Variants in ADCYAP1R1 observed in about 807,000 individuals in gnomAD.
ADCYAP1R1 encodes pituitary adenylate cyclase-activating polypeptide type I receptor.
In ADCYAP1R1, 44 loss-of-function variants were observed where a neutral mutation model predicts 67.6. The ratio of observed to expected loss-of-function variants is 0.65; its 90% CI spans 0.51 to 0.84. The LOEUF is 0.84. ADCYAP1R1 is among the 40% of genes least tolerant of loss of function. The pLI is 0.00. For synonymous variants in ADCYAP1R1, 222 were observed against 219.6 expected, an observed-to-expected ratio of 1.01 and a Z score of -0.10; for missense variants, 477 against 587.9, an observed-to-expected ratio of 0.81 and a Z score of 1.95.
intron 12 of ADCYAP1R1, among the ~76,000 whole-genome samples, chr7:31,092,441 A>C (rs1035154251): frequency 1.3e-5 from 2 of 151,926 alleles, no homozygotes; most frequent in Non-Finnish European, 2.9e-5. Context: ...CCGTACTTCT[A>C]TGGAATCCTT....
intron 1 of ADCYAP1R1, 87 bp from the exon 2 acceptor site, chr7:31,063,107 G>A (rs541257107): frequency 2.7e-6 from 2 of 742,550 alleles, no homozygotes; most frequent in Admixed American, 2.2e-5. Context: ...CGTGCTGCAG[G>A]GAGCTGGGGG....
At chr7:31,064,739 C>T (rs772428846) in intron 2 of ADCYAP1R1, 92 bp from the exon 3 acceptor site, 204 of 1,005,446 alleles carry the variant, frequency 2.0e-4, no homozygotes, top group Non-Finnish European at 2.6e-4. Context: ...GCTCCCCACT[C>T]CCCCCAAGAC....
intron 13 of ADCYAP1R1, chr7:31,100,321 C>T: frequency 5.8e-6 from 6 of 1,033,978 alleles, no homozygotes; most frequent in Non-Finnish European, 7.2e-6. Context: ...CCTCCCAGCC[C>T]CAACCCATTC....
At chr7:31,097,120 G>C (rs1402725731) in intron 13 of ADCYAP1R1, among the ~76,000 whole-genome samples, 1 of 152,228 alleles carries the variant, frequency 6.6e-6, no homozygotes, top group Non-Finnish European at 1.5e-5. Flanking sequence ...CAATGAAGCT[G>C]TGGCGTAGCC....
intron 4 of ADCYAP1R1, 84 bp from the exon 5 acceptor site, chr7:31,080,529 A>C: frequency 7.1e-7 from 1 of 1,406,326 alleles, no homozygotes; most frequent in South Asian, 1.2e-5. Flanking sequence ...GTGATCAGCA[A>C]GACCCAAGGA....
chr7:31,062,335 C>T (rs1794541364), intron 1 of ADCYAP1R1, among the ~76,000 whole-genome samples: 1 of 152,188 alleles, frequency 6.6e-6, no homozygotes, highest in African/African-American at 2.4e-5. Context: ...GCTCCTGCAG[C>T]TCTGAGGCCT....
At chr7:31,094,056 A>G (rs571334876) in intron 13 of ADCYAP1R1, among the ~76,000 whole-genome samples, 2 of 152,072 alleles carry the variant, frequency 1.3e-5, no homozygotes, top group African/African-American at 4.8e-5. Context: ...GGGGACTAGC[A>G]CAGGGCCTGG....
intron 4 of ADCYAP1R1, 61 bp downstream of exon 4, chr7:31,078,159 C>T: frequency 7.1e-7 from 1 of 1,407,262 alleles, no homozygotes; most frequent in Non-Finnish European, 9.7e-7. Context: ...AATTCGGCCC[C>T]AGGCAAGCAC....
intron 1 of ADCYAP1R1, among the ~76,000 whole-genome samples, chr7:31,059,506 T>C (rs1584473533): frequency 6.6e-6 from 1 of 152,174 alleles, no homozygotes; most frequent in East Asian, 1.9e-4. Flanking sequence ...GAGCCACTTT[T>C]GTGGCTGGGC....
chr7:31,092,448 C>T (rs923088283), intron 12 of ADCYAP1R1, among the ~76,000 whole-genome samples, 196 bp from the exon 13 acceptor site: 3 of 152,020 alleles, frequency 2.0e-5, no homozygotes, highest in African/African-American at 7.3e-5. Context: ...TCTATGGAAT[C>T]CTTTTTCTTC....
At chr7:31,100,498 C>G (rs1447521338) in intron 13 of ADCYAP1R1, among the ~76,000 whole-genome samples, 1 of 152,156 alleles carries the variant, frequency 6.6e-6, no homozygotes, top group Non-Finnish European at 1.5e-5. Flanking sequence ...TGTGGCCTTC[C>G]TCAGTCCCCA....
intron 14 of ADCYAP1R1, 23 bp downstream of exon 14, chr7:31,103,389 A>G (rs201466313): frequency 6.2e-7 from 1 of 1,613,938 alleles, no homozygotes; most frequent in South Asian, 1.1e-5. Context: ...CATGGGGAGG[A>G]CAGAACTCAC....
At chr7:31,106,051 A>G (rs912184247) in intron 15 of ADCYAP1R1, among the ~76,000 whole-genome samples, 1 of 152,202 alleles carries the variant, frequency 6.6e-6, no homozygotes, top group African/African-American at 2.4e-5. Context: ...AACTTTTGAT[A>G]TAATTGTTCT....
chr7:31,103,163 G>C (rs564300762), intron 13 of ADCYAP1R1, 74 bp from the exon 14 acceptor site: 5 of 1,572,824 alleles, frequency 3.2e-6, no homozygotes, highest in Non-Finnish European at 3.5e-6. Context: ...CTGGGGCTGA[G>C]TTCTCTGCCC....
At chr7:31,084,964 A>G in intron 8 of ADCYAP1R1, 130 bp downstream of exon 8, 1 of 902,214 alleles carries the variant, frequency 1.1e-6, no homozygotes, top group Non-Finnish European at 1.8e-6. Context: ...TCCCACCCCA[A>G]GGATAACAGA....
Position 31,102,224 on chromosome 7 carries a change from G to T in ADCYAP1R1, c.1047-1013G>T, listed in dbSNP as rs1464918773. On this transcript the variant is annotated intron_variant, in intron 13 of 15. Coordinates refer to ENST00000304166, the MANE Select transcript of ADCYAP1R1 (RefSeq NM_001118.5). The surrounding 1 kb of genome is among the most constrained non-coding windows in gnomAD (Gnocchi z 4.3). Reference sequence around the variant, plus strand: ...TGTCCACCCCGGGGGACTTAGCTGTGCTGGGAGATGGGGAGGCTGATCCTC... The same window carrying T: ...TGTCCACCCCGGGGGACTTAGCTGTTCTGGGAGATGGGGAGGCTGATCCTC... Among the ~76,000 whole-genome samples the T allele has an allele frequency of 6.6e-6, 1 of 152,244 alleles. No individual in the cohort carries two copies. The highest frequency in any genetic ancestry group is 1.5e-5 in the Non-Finnish European group (1 of 68,042).
intron 13 of ADCYAP1R1, among the ~76,000 whole-genome samples, chr7:31,101,625 C>T (rs1198914782): frequency 6.6e-6 from 1 of 152,222 alleles, no homozygotes; most frequent in East Asian, 1.9e-4. Context: ...CTTCTGGTGC[C>T]AGGCATGGAT....
At chr7:31,073,637 T>G (rs541910409) in intron 3 of ADCYAP1R1, among the ~76,000 whole-genome samples, 1 of 152,080 alleles carries the variant, frequency 6.6e-6, no homozygotes, top group Non-Finnish European at 1.5e-5. Flanking sequence ...CAATTTCCAT[T>G]CAAAAGAGGA....
chr7:31,086,985 T>C lies in ADCYAP1R1; in HGVS notation c.866T>C (p.Leu289Pro). 1 of 1,614,182 alleles carries C rather than the reference T, an allele frequency of 6.2e-7. No individual in the cohort carries two copies. The highest frequency in any genetic ancestry group is 1.1e-5 in the South Asian group (1 of 91,072). ...VCVTVWATLR[L>P]YFDDTGCWDM... is the part of the protein sequence containing the mutation. ...GTGACAGTGTGGGCTACGCTGAGACTCTACTTTGATGACACAGGGTTAGTA... is the reference window on the plus strand; with the variant it reads ...GTGACAGTGTGGGCTACGCTGAGACCCTACTTTGATGACACAGGGTTAGTA... Residue 289 changes from leucine to proline, a missense_variant, in exon 11 of 16, where the codon CTC (leucine) becomes CCC (proline). Leu to Pro is a moderately conservative substitution (Grantham distance 98). Coordinates refer to ENST00000304166, the MANE Select transcript of ADCYAP1R1 (RefSeq NM_001118.5). The surrounding 1 kb of genome is among the most constrained non-coding windows in gnomAD (Gnocchi z 5.0).
Sources: gnomAD v4.1 joint callset for allele counts (sites outside exome capture counted in the v4.1 genomes callset) on GRCh38, gnomAD v4.1.1 for gene constraint, Gnocchi (gnomAD v3.1) non-coding constraint, MANE v1.5 for transcripts, NCBI Gene and HGNC (gene_info 2026-07-23, HGNC 2026-07-21) for gene names.